The following CACNA1C variants were observed in gnomAD, a reference collection of about 807,000 sequenced individuals.
CACNA1C encodes the protein calcium voltage-gated channel subunit alpha1 C.
CACNA1C carries 30 observed loss-of-function variants against 229.0 expected under a neutral mutation model. The ratio of observed to expected loss-of-function variants is 0.13; its 90% CI spans 0.10 to 0.18. CACNA1C has a LOEUF of 0.18. Among genes scored for constraint, CACNA1C ranks in the 10% least tolerant of loss-of-function variants. The pLI is 1.00. For missense variants in CACNA1C, 1,658 were observed against 2,845.0 expected (o/e 0.58, Z 9.49); for synonymous variants, 1,114 against 1,132.5 (o/e 0.98, Z 0.33).
chr12:2,103,179 G>A (rs976579296), intron 1 of CACNA1C, among the ~76,000 whole-genome samples: 1 of 152,166 alleles, frequency 6.6e-6, no homozygotes, highest in African/African-American at 2.4e-5. Flanking sequence ...CACAATGGTT[G>A]AACTAATTTA....
chr12:2,115,607 G>C, intron 2 of CACNA1C, 62 bp downstream of exon 2: 1 of 1,533,418 alleles, frequency 6.5e-7, no homozygotes, highest in Non-Finnish European at 9.0e-7. Flanking sequence ...CCAGCCCTCC[G>C]AGGCTCCCTG....
chr12:2,617,925 T>G (rs1251221177), intron 29 of CACNA1C, among the ~76,000 whole-genome samples: 1 of 152,238 alleles, frequency 6.6e-6, no homozygotes, highest in African/African-American at 2.4e-5. Flanking sequence ...GTCTAGAAAC[T>G]TCTGTCCTTT....
At chr12:2,405,990 C>T (rs2098733538) in intron 3 of CACNA1C, among the ~76,000 whole-genome samples, 1 of 152,074 alleles carries the variant, frequency 6.6e-6, no homozygotes, top group South Asian at 2.1e-4. Flanking sequence ...GTGAAAATAC[C>T]TTTATTTCCC....
At chr12:2,495,750 T>C (rs896845033) in intron 7 of CACNA1C, among the ~76,000 whole-genome samples, 3 of 152,162 alleles carry the variant, frequency 2.0e-5, no homozygotes, top group African/African-American at 7.2e-5. Context: ...CTCTCTCTGA[T>C]TTTCCCAGCA....
intron 3 of CACNA1C, among the ~76,000 whole-genome samples, chr12:2,185,390 T>C (rs2096966521): frequency 6.6e-6 from 1 of 152,172 alleles, no homozygotes; most frequent in Non-Finnish European, 1.5e-5. Flanking sequence ...TTGGCTGAAA[T>C]CCTATGGGCT....
intron 3 of CACNA1C, among the ~76,000 whole-genome samples, chr12:2,350,535 A>G (rs763633239): frequency 4.6e-5 from 7 of 152,180 alleles, no homozygotes; most frequent in Non-Finnish European, 8.8e-5. Context: ...CAAGGGGGCA[A>G]TGGGGCCTGA....
intron 9 of CACNA1C, among the ~76,000 whole-genome samples, chr12:2,530,535 A>G (rs2099838396): frequency 6.6e-6 from 1 of 152,204 alleles, no homozygotes; most frequent in Non-Finnish European, 1.5e-5. Context: ...CAGAAGGACC[A>G]TGATGGAGCC....
chr12:2,196,509 G>A (rs894197261), intron 3 of CACNA1C, among the ~76,000 whole-genome samples: 2 of 152,212 alleles, frequency 1.3e-5, no homozygotes, highest in Non-Finnish European at 2.9e-5. Context: ...TTCAAACTTA[G>A]AAAACTGCAA....
intron 3 of CACNA1C, among the ~76,000 whole-genome samples, chr12:2,244,649 C>T (rs1447467687): frequency 6.6e-6 from 1 of 152,194 alleles, no homozygotes; most frequent in Non-Finnish European, 1.5e-5. Flanking sequence ...CTATAAGCAC[C>T]TCCTCCTTCC....
chr12:2,063,077 T>A (rs1359043388), intron 1 of CACNA1C, among the ~76,000 whole-genome samples: 1 of 152,066 alleles, frequency 6.6e-6, no homozygotes, highest in African/African-American at 2.4e-5. Flanking sequence ...TTCCCCTCTC[T>A]CTCCAGCCCT....
At chr12:2,182,527 G>A (rs2096874160) in intron 3 of CACNA1C, among the ~76,000 whole-genome samples, 1 of 152,074 alleles carries the variant, frequency 6.6e-6, no homozygotes, top group South Asian at 2.1e-4. Flanking sequence ...TTATAGTATT[G>A]ATGTTACAAA....
intron 1 of CACNA1C, among the ~76,000 whole-genome samples, chr12:1,995,216 TA>T (rs80167296): frequency 0.15 from 23,390 of 151,498 alleles, 1,909 homozygotes; most frequent in East Asian, 0.21. Context: ...CTTCCATAGT[TA>T]AAAAAAAACC....
chr12:2,190,832 A>C (rs2238046), intron 3 of CACNA1C, among the ~76,000 whole-genome samples: 52,070 of 151,786 alleles, frequency 0.34, 9,354 homozygotes, highest in South Asian at 0.39. Context: ...GTCTCAGAAT[A>C]CTTCTGCCGA....
chr12:2,166,638 T>C (rs546461573), intron 3 of CACNA1C, among the ~76,000 whole-genome samples: 2 of 152,382 alleles, frequency 1.3e-5, no homozygotes, highest in East Asian at 3.9e-4. Context: ...CAATGTAATG[T>C]ATCCCTCATA....
chr12:2,459,396 T>C (rs1426154529), intron 5 of CACNA1C, among the ~76,000 whole-genome samples: 5 of 152,130 alleles, frequency 3.3e-5, no homozygotes, highest in Non-Finnish European at 5.9e-5. Flanking sequence ...GTGCCTTCTA[T>C]TGCCTCTGAT....
At chr12:2,248,581 A>G (rs145525110) in intron 3 of CACNA1C, among the ~76,000 whole-genome samples, 9 of 152,360 alleles carry the variant, frequency 5.9e-5, no homozygotes, top group Admixed American at 1.3e-4. Flanking sequence ...CAACTGGGGC[A>G]GAGAAGTGAG....
chr12:2,650,243 C>T (rs1240720594), intron 31 of CACNA1C, among the ~76,000 whole-genome samples: 2 of 152,194 alleles, frequency 1.3e-5, no homozygotes, highest in Non-Finnish European at 2.9e-5. Flanking sequence ...TCCCTGCTTC[C>T]CTCATAATCT....
chr12:2,194,044 A>G (rs1383047320), intron 3 of CACNA1C, among the ~76,000 whole-genome samples: 1 of 152,068 alleles, frequency 6.6e-6, no homozygotes, highest in Admixed American at 6.5e-5. Flanking sequence ...CCCAGGCAGT[A>G]AGAGGCTTCC....
At chr12:2,436,851 G>C (rs1264525025) in intron 3 of CACNA1C, among the ~76,000 whole-genome samples, 4 of 152,220 alleles carry the variant, frequency 2.6e-5, no homozygotes, top group Non-Finnish European at 4.4e-5. Context: ...ACTGAAGTTG[G>C]TTCAACTGCT....
Sources: gnomAD v4.1 joint callset for allele counts (sites outside exome capture counted in the v4.1 genomes callset) on GRCh38, gnomAD v4.1.1 for gene constraint, MANE v1.5 for transcripts, NCBI Gene and HGNC (gene_info 2026-07-23, HGNC 2026-07-21) for gene names.